The following MYCBP2 variants were observed in gnomAD, a reference collection of about 807,000 sequenced individuals.
The protein encoded by MYCBP2 is E3 ubiquitin-protein ligase MYCBP2.
MYCBP2 carries 120 observed loss-of-function variants against 525.3 expected under a neutral mutation model. The ratio of observed to expected loss-of-function variants is 0.23; its 90% confidence interval spans 0.20 to 0.27. The LOEUF (loss-of-function observed/expected upper bound fraction) is 0.27, where lower values mean the gene tolerates loss of function less well. Ranked by LOEUF, MYCBP2 falls within the 10% of genes least tolerant of loss-of-function variation. The probability of loss-of-function intolerance (pLI) is 1.00; values close to 1 mark genes in which losing one functional copy is unlikely to be tolerated. For synonymous variants in MYCBP2, 1,894 were observed against 1,955.8 expected (o/e 0.97, Z 0.83); for missense variants, 4,149 against 5,657.1 (o/e 0.73, Z 8.55).
intron 34 of MYCBP2, among the ~76,000 whole-genome samples, chr13:77,178,702 T>C (rs924226199): frequency 2.0e-5 from 3 of 152,220 alleles, no homozygotes; most frequent in Non-Finnish European, 2.9e-5. Flanking sequence ...TTTATGATTC[T>C]AACAAAAATT....
chr13:77,075,240 A>T (rs2042076135), intron 68 of MYCBP2, among the ~76,000 whole-genome samples: 6 of 152,218 alleles, frequency 3.9e-5, no homozygotes, highest in Admixed American at 3.9e-4. Context: ...CTTGATTGTG[A>T]TAATGATTTC....
chr13:77,226,849 T>C (rs2066352163), intron 18 of MYCBP2, among the ~76,000 whole-genome samples: 1 of 152,160 alleles, frequency 6.6e-6, no homozygotes, highest in Non-Finnish European at 1.5e-5. Context: ...GGTAGGCCTG[T>C]GTGGCTTACT....
At chr13:77,115,154 G>A (rs2049502399) in intron 55 of MYCBP2, among the ~76,000 whole-genome samples, 1 of 151,854 alleles carries the variant, frequency 6.6e-6, no homozygotes, top group Non-Finnish European at 1.5e-5. Context: ...AATACCTACA[G>A]TCAATAAACA....
intron 21 of MYCBP2, among the ~76,000 whole-genome samples, chr13:77,212,390 TA>T (rs1254684437): frequency 1.3e-5 from 2 of 152,028 alleles, no homozygotes; most frequent in Non-Finnish European, 2.9e-5. Context: ...CATTATTTTT[TA>T]AAAAAAAGTT....
At chr13:77,053,528 A>C (rs2154058743) in intron 80 of MYCBP2, among the ~76,000 whole-genome samples, 1 of 152,278 alleles carries the variant, frequency 6.6e-6, no homozygotes, top group Non-Finnish European at 1.5e-5. Flanking sequence ...CCCTGGAAGT[A>C]TTTCGGTTTG....
intron 55 of MYCBP2, among the ~76,000 whole-genome samples, chr13:77,119,479 A>G (rs1004799513): frequency 6.6e-6 from 1 of 152,154 alleles, no homozygotes; most frequent in East Asian, 1.9e-4. Context: ...AATAATAAAT[A>G]AATGCTGTAG....
chr13:77,135,562 A>G (rs1365884377), intron 52 of MYCBP2, among the ~76,000 whole-genome samples: 1 of 152,074 alleles, frequency 6.6e-6, no homozygotes, highest in South Asian at 2.1e-4. Flanking sequence ...CAGGCCTCTG[A>G]CTCTGTATGA....
At chr13:77,221,119 A>C (rs1415427707) in intron 20 of MYCBP2, among the ~76,000 whole-genome samples, 8 of 152,198 alleles carry the variant, frequency 5.3e-5, no homozygotes, top group Non-Finnish European at 1.0e-4. Context: ...TCTACCAGTT[A>C]CTATACCACT....
At chr13:77,130,757 G>A (rs1042713361) in intron 52 of MYCBP2, among the ~76,000 whole-genome samples, 2 of 152,262 alleles carry the variant, frequency 1.3e-5, no homozygotes, top group African/African-American at 4.8e-5. Context: ...TAGTGGGACA[G>A]ACTTTTTGAC....
rs778086386 is a variant in MYCBP2, at chr13:77,181,937, A to G, written c.4720-15T>C. 9 of 1,605,976 alleles carry G rather than the reference A, an allele frequency of 5.6e-6. No individual in the cohort carries two copies. In the South Asian group the frequency reaches 8.8e-5, roughly 16 times the overall value. On this transcript the variant is annotated splice_polypyrimidine_tract_variant and intron_variant, in intron 32 of 82. Coordinates refer to ENST00000544440, the MANE Select transcript of MYCBP2 (RefSeq NM_015057.5). ...TCTTGGATATCCTTTTAAAAACAAA[A>G]ATATGGCCCCCCAACCAAAAAATAT...
chr13:77,090,352 A>G (rs975575737), intron 59 of MYCBP2, 89 bp from the exon 60 acceptor site: 2 of 1,089,944 alleles, frequency 1.8e-6, no homozygotes, highest in South Asian at 4.5e-5. Context: ...ATGTGACTCA[A>G]TATTTCATGT....
In MYCBP2 at chr13:77,273,802, T is replaced by C. The variant is rs370030949; in HGVS notation, c.749-134A>G. 1.2e-4 allele frequency: 78 copies of C among 631,024 alleles called. 1 individual carries two copies. In the South Asian group the frequency reaches 4.0e-3, roughly 33 times the overall value. The allele number at this position is 631,024 out of a possible 1,614,324, so 39.1% of individuals were successfully genotyped here. Reference sequence around the variant, plus strand: ...AGAACAATTACTTTGCTTTAGTTTCTTTCTAGTTACTCTCTTCCCCAAAAG... The same window carrying C: ...AGAACAATTACTTTGCTTTAGTTTCCTTCTAGTTACTCTCTTCCCCAAAAG... On this transcript the variant is annotated intron_variant, in intron 4 of 82. Transcript: ENST00000544440.
At chr13:77,189,566 A>G (rs1372828261) in intron 29 of MYCBP2, among the ~76,000 whole-genome samples, 1 of 152,176 alleles carries the variant, frequency 6.6e-6, no homozygotes, top group Non-Finnish European at 1.5e-5. Context: ...TCACAGTTCT[A>G]GACCATTTCC....
chr13:77,126,155 GACA>G (rs1276694221), intron 53 of MYCBP2, among the ~76,000 whole-genome samples, 160 bp downstream of exon 53: 1 of 152,112 alleles, frequency 6.6e-6, no homozygotes, highest in African/African-American at 2.4e-5. Flanking sequence ...CAAATCATTA[GACA>G]GAAGCACAGA....
intron 38 of MYCBP2, among the ~76,000 whole-genome samples, chr13:77,170,831 T>G (rs1224652142): frequency 6.6e-6 from 1 of 152,082 alleles, no homozygotes; most frequent in Non-Finnish European, 1.5e-5. Context: ...TTCCTCGGCC[T>G]CCCAAAGTGC....
chr13:77,249,301 T>A (rs1424294731), intron 15 of MYCBP2, among the ~76,000 whole-genome samples: 1 of 152,186 alleles, frequency 6.6e-6, no homozygotes, highest in Non-Finnish European at 1.5e-5. Flanking sequence ...AGATATGTAG[T>A]CACAATTTTA....
At chr13:77,118,511 C>G (rs1382556778) in intron 55 of MYCBP2, 1 of 764,524 alleles carries the variant, frequency 1.3e-6, no homozygotes, top group Non-Finnish European at 2.4e-6. Flanking sequence ...GTGGGTAAAA[C>G]AGTCAAAACT....
chr13:77,271,355 T>C (rs1265119211), intron 5 of MYCBP2, among the ~76,000 whole-genome samples: 2 of 152,200 alleles, frequency 1.3e-5, no homozygotes, highest in East Asian at 3.8e-4. Context: ...TTTCAGTGTC[T>C]TTCAATACAG....
chr13:77,177,334 C>CT (rs748460042), intron 35 of MYCBP2, among the ~76,000 whole-genome samples: 5,167 of 122,838 alleles, frequency 0.042, 175 homozygotes, highest in African/African-American at 0.082. Context: ...TCTTTTCTTT[C>CT]TTTTTTTTTT....
Sources: gnomAD v4.1 joint callset for allele counts (sites outside exome capture counted in the v4.1 genomes callset) on GRCh38, gnomAD v4.1.1 for gene constraint, MANE v1.5 for transcripts, NCBI Gene and HGNC (gene_info 2026-07-23, HGNC 2026-07-21) for gene names.